Variants in HSD17B2 observed in about 807,000 individuals in gnomAD.
HSD17B2 encodes hydroxysteroid 17-beta dehydrogenase 2.
In HSD17B2, 32 loss-of-function variants were observed where a neutral mutation model predicts 26.9. The observed-to-expected ratio is 1.19, with a 90% CI of 0.90 to 1.60. HSD17B2 has a LOEUF of 1.60. Ranked by LOEUF, HSD17B2 falls within the 40% of genes most tolerant of loss-of-function variation. The pLI is 0.00. For missense variants in HSD17B2, 613 were observed against 468.6 expected (o/e 1.31, Z -2.85); for synonymous variants, 246 against 186.7 (o/e 1.32, Z -2.59).
At chr16:82,096,775 T>A (rs1904852218) in intron 4 of HSD17B2, 1 of 152,178 alleles carries the variant, frequency 6.6e-6, no homozygotes, top group Admixed American at 6.5e-5. Context: ...GGCATTTTTA[T>A]GCAACGGAAT....
At chr16:82,051,573 G>A (rs1914107927) in intron 1 of HSD17B2, among the ~76,000 whole-genome samples, 1 of 152,042 alleles carries the variant, frequency 6.6e-6, no homozygotes, top group Admixed American at 6.6e-5. Context: ...TTGGGGTGGG[G>A]GTGAGGGTGA....
At chr16:82,068,467 AC>A in intron 2 of HSD17B2, 85 bp downstream of exon 2, 1 of 1,109,176 alleles carries the variant, frequency 9.0e-7, no homozygotes, top group Non-Finnish European at 1.3e-6. Flanking sequence ...ATGCCCCCCC[AC>A]TCCACTCTGG....
chr16:82,057,390 G>C (rs948029742), intron 1 of HSD17B2, among the ~76,000 whole-genome samples: 1 of 152,004 alleles, frequency 6.6e-6, no homozygotes, highest in African/African-American at 2.4e-5. Context: ...GTAGAGACGG[G>C]GTTTCACCAT....
chr16:82,059,953 C>T (rs945669998), intron 1 of HSD17B2, among the ~76,000 whole-genome samples: 1 of 152,100 alleles, frequency 6.6e-6, no homozygotes, highest in African/African-American at 2.4e-5. Context: ...TAGCTATTTC[C>T]CAAGGCCTCC....
intron 4 of HSD17B2, 62 bp from the exon 5 acceptor site, chr16:82,098,013 G>A (rs537404533): frequency 8.5e-6 from 13 of 1,531,770 alleles, no homozygotes; most frequent in Middle Eastern, 1.9e-4. Context: ...AGAGACAAGC[G>A]CCTGCTCCCT....
intron 1 of HSD17B2, among the ~76,000 whole-genome samples, chr16:82,049,934 G>C (rs939483850): frequency 2.0e-5 from 3 of 152,226 alleles, no homozygotes; most frequent in Non-Finnish European, 2.9e-5. Flanking sequence ...AACTGTCACT[G>C]TGTGTCAGAA....
intron 1 of HSD17B2, among the ~76,000 whole-genome samples, chr16:82,043,851 T>C (rs954434158): frequency 1.3e-5 from 2 of 152,186 alleles, no homozygotes; most frequent in Non-Finnish European, 2.9e-5. Flanking sequence ...GTGGAAGTTA[T>C]TTCATTTTTA....
At chr16:82,089,430 T>C (rs1268011627) in intron 3 of HSD17B2, among the ~76,000 whole-genome samples, 1 of 152,180 alleles carries the variant, frequency 6.6e-6, no homozygotes, top group Non-Finnish European at 1.5e-5. Context: ...GTTATGGGTC[T>C]AGTCTTCGTG....
chr16:82,083,392 T>G (rs1192426508), intron 3 of HSD17B2, among the ~76,000 whole-genome samples: 1 of 152,144 alleles, frequency 6.6e-6, no homozygotes, highest in Admixed American at 6.5e-5. Context: ...GAAGACAGAC[T>G]GCCCGGGTTT....
chr16:82,075,019 C>G (rs1005631406), intron 3 of HSD17B2, among the ~76,000 whole-genome samples: 1 of 151,550 alleles, frequency 6.6e-6, no homozygotes, highest in Non-Finnish European at 1.5e-5. Context: ...CCACAATGGA[C>G]CAAAACTAGA....
Position 82,061,335 on chromosome 16 carries a change from T to G in HSD17B2, c.266-6835T>G, listed in dbSNP as rs375636299. Among the ~76,000 whole-genome samples, 9 of 152,320 alleles carry G rather than the reference T, an allele frequency of 5.9e-5. No individual in the cohort carries two copies. The East Asian group carries it at 1.4e-3, about 23-fold the overall frequency. The stretch of plus-strand genomic sequence containing the variant: ...TTGTGCCAGACCTTGTTCCAATTAC[T>G]TTAATATATCAAATTATTTAATCCT... On this transcript the variant is annotated intron_variant, in intron 1 of 4. Coordinates refer to ENST00000199936, the MANE Select transcript of HSD17B2 (RefSeq NM_002153.3).
At chr16:82,083,366 G>A (rs1904433570) in intron 3 of HSD17B2, among the ~76,000 whole-genome samples, 1 of 152,014 alleles carries the variant, frequency 6.6e-6, no homozygotes, top group African/African-American at 2.4e-5. Context: ...CTTCTAGGAT[G>A]CCAGGCAAGC....
intron 1 of HSD17B2, among the ~76,000 whole-genome samples, chr16:82,043,128 G>A (rs1183452795): frequency 1.3e-5 from 2 of 152,182 alleles, no homozygotes; most frequent in African/African-American, 2.4e-5. Flanking sequence ...GGCTATCACA[G>A]ACTCCTTCAA....
chr16:82,043,684 C>CAAAAAAA (rs398030034), intron 1 of HSD17B2, among the ~76,000 whole-genome samples: 3 of 22,544 alleles, frequency 1.3e-4, no homozygotes, highest in Admixed American at 5.4e-4. Context: ...AACTCTGTCT[C>CAAAAAAA]AAAAAAAAAA....
chr16:82,097,585 A>T (rs1039713117), intron 4 of HSD17B2: 2 of 152,136 alleles, frequency 1.3e-5, no homozygotes, highest in Admixed American at 1.3e-4. Flanking sequence ...TTACGTGTGC[A>T]CTTTTCTGTA....
intron 4 of HSD17B2, chr16:82,096,162 T>G (rs1262546642): frequency 6.6e-6 from 1 of 152,232 alleles, no homozygotes; most frequent in African/African-American, 2.4e-5. Flanking sequence ...CTTCATATAT[T>G]TTTAAAAACA....
At chr16:82,067,032 C>T (rs538632935) in intron 1 of HSD17B2, among the ~76,000 whole-genome samples, 4 of 152,268 alleles carry the variant, frequency 2.6e-5, no homozygotes, top group Admixed American at 6.5e-5. Context: ...GATTTTAGTC[C>T]TGCACATGTT....
chr16:82,055,084 G>A (rs1009980744), intron 1 of HSD17B2, among the ~76,000 whole-genome samples: 1 of 152,190 alleles, frequency 6.6e-6, no homozygotes, highest in African/African-American at 2.4e-5. Flanking sequence ...AATGTCTCCA[G>A]ACATTGTCAA....
intron 4 of HSD17B2, chr16:82,094,135 A>G (rs1231609765): frequency 6.6e-6 from 1 of 152,144 alleles, no homozygotes; most frequent in African/African-American, 2.4e-5. Context: ...TGTGATACCA[A>G]TCCTGCCAAC....
Sources: gnomAD v4.1 joint callset for allele counts (sites outside exome capture counted in the v4.1 genomes callset) on GRCh38, gnomAD v4.1.1 for gene constraint, MANE v1.5 for transcripts, NCBI Gene and HGNC (gene_info 2026-07-23, HGNC 2026-07-21) for gene names.